Variants in CENPE observed in about 807,000 individuals in gnomAD.
CENPE encodes the protein centromere-associated protein E.
A neutral mutation model predicts 336.1 loss-of-function variants in CENPE; 145 were observed. That is an observed-to-expected ratio of 0.43 (90% confidence interval 0.38 to 0.50). The LOEUF (loss-of-function observed/expected upper bound fraction) is 0.50, where lower values mean the gene tolerates loss of function less well. Ranked by LOEUF, CENPE falls within the 20% of genes least tolerant of loss-of-function variation. The probability of loss-of-function intolerance (pLI) is 0.00; values close to 1 mark genes in which losing one functional copy is unlikely to be tolerated. For missense variants in CENPE, 2,719 were observed against 3,023.3 expected (o/e 0.90, Z 2.36); for synonymous variants, 1,013 against 984.8 (o/e 1.03, Z -0.54).
rs371002151 is a variant in CENPE at position 103,139,956 on chromosome 4, T to C, written c.6037A>G (p.Met2013Val). 6.2e-6 allele frequency: 10 copies of C among 1,613,312 alleles called. No individual in the cohort carries two copies. The highest frequency in any genetic ancestry group is 3.3e-5 in the Admixed American group (2 of 59,992). ...KKQFEAQNLS[M>V]QSVRMDNFQL... is the part of the protein sequence containing the mutation. ...AAGTTATCCATTCTCACACTTTGCATAGATAAGTTTTGGGCCTCAAATTGC... is the reference window on the plus strand; with the variant it reads ...AAGTTATCCATTCTCACACTTTGCACAGATAAGTTTTGGGCCTCAAATTGC... The change falls in exon 38 of 49, where the codon ATG (methionine) becomes GTG (valine). Residue 2013 changes from methionine to valine, a missense_variant. Physicochemically the swap from Met to Val is conservative, Grantham distance 21 (BLOSUM62 1). This residue lies in a region of CENPE where 2,437 missense variants were observed against 2,513.3 expected (regional missense o/e 0.97). Transcript: ENST00000265148.
At chr4:103,180,499 T>C (rs2126018488) in intron 12 of CENPE, 30 bp from the exon 13 acceptor site, 1 of 1,503,258 alleles carries the variant, frequency 6.7e-7, no homozygotes, top group East Asian at 2.3e-5. Context: ...ATTATGTTAA[T>C]AATAAATGTG....
intron 13 of CENPE, among the ~76,000 whole-genome samples, chr4:103,179,903 A>G (rs943533109): frequency 6.6e-6 from 1 of 152,136 alleles, no homozygotes; most frequent in Non-Finnish European, 1.5e-5. Context: ...TTTGTTCACT[A>G]TGTTGTTTTT....
intron 9 of CENPE, 80 bp from the exon 10 acceptor site, chr4:103,183,368 G>T: frequency 9.4e-7 from 1 of 1,064,838 alleles, no homozygotes; most frequent in Non-Finnish European, 1.4e-6. Flanking sequence ...AAGTTAATGA[G>T]AGAAATTAGA....
chr4:103,115,724 C>G (rs1429195997), intron 45 of CENPE, among the ~76,000 whole-genome samples: 1 of 150,264 alleles, frequency 6.7e-6, no homozygotes, highest in Non-Finnish European at 1.5e-5. Context: ...TAAGTGAGAA[C>G]ATATTTCTTT....
rs774765853 is a variant in CENPE, at chr4:103,108,839, G to C, written c.7975C>G (p.Arg2659Gly). 1.9e-6 allele frequency: 3 copies of C among 1,613,524 alleles called. No homozygotes were observed. Among genetic ancestry groups the C allele is most frequent in the Non-Finnish European group, 2.5e-6 (3 of 1,179,784 alleles). ...CCTAAACTTGAGTTATCAAAATAGC[G>C]AACTGGATGAGGTGATGGTAAAGAC... ...SKSLPSPHPV[R>G]YFDNSSLGLC... The change falls in exon 48 of 49, where the codon CGC becomes GGC. Residue 2659 changes from arginine (R) to glycine (G), a missense_variant. Coordinates refer to ENST00000265148, the MANE Select transcript of CENPE (RefSeq NM_001813.3).
rs933090015 is a variant in CENPE, at chr4:103,194,253, T to C, written c.669A>G (p.Glu223=). The change falls in exon 8 of 49, where the codon GAA becomes GAG. Residue 223 remains glutamate (E), a synonymous_variant. Coordinates refer to ENST00000265148, the MANE Select transcript of CENPE (RefSeq NM_001813.3). ...SREKGEPSNC[E]GSVKVSHLNL... ...CCAAATGGGATACCTTAACAGATCC[T>C]TCACAATTAGAAGGTTCACCCTTCT... The C allele has an allele frequency of 3.7e-6, 6 of 1,612,634 alleles. No homozygotes were observed. In the Middle Eastern group the frequency reaches 6.7e-4, roughly 180 times the overall value.
At chr4:103,186,141 T>C (rs1432070521) in intron 8 of CENPE, among the ~76,000 whole-genome samples, 6 of 152,210 alleles carry the variant, frequency 3.9e-5, no homozygotes, top group Non-Finnish European at 8.8e-5. Flanking sequence ...AAGCTGGCAC[T>C]TGCACTGCTC....
Position 103,108,804 on chromosome 4 carries a change from T to G in CENPE, c.8010A>C (p.Pro2670=). 1 of 1,612,462 alleles carries G rather than the reference T, an allele frequency of 6.2e-7. No homozygotes were observed. Among genetic ancestry groups the G allele is most frequent in the Non-Finnish European group, 8.5e-7 (1 of 1,179,208 alleles). ...CAAGTAACCAGTATATTTACTTACC[T>G]GGACAAAGGCCTAAACTTGAGTTAT... ...YFDNSSLGLC[P]EVQNAGAESV... is the part of the protein sequence containing the mutation. Residue 2670 remains proline, a splice_region_variant and synonymous_variant, in exon 48 of 49, where the codon CCA becomes CCC. Coordinates refer to ENST00000265148, the MANE Select transcript of CENPE (RefSeq NM_001813.3).
chr4:103,147,269 T>C, intron 29 of CENPE, 87 bp downstream of exon 29: 1 of 1,176,074 alleles, frequency 8.5e-7, no homozygotes, highest in South Asian at 1.5e-5. Flanking sequence ...AACATAATTA[T>C]AATACAAACA....
At chr4:103,155,181 T>C (rs1018382842) in intron 24 of CENPE, among the ~76,000 whole-genome samples, 3 of 152,248 alleles carry the variant, frequency 2.0e-5, no homozygotes, top group Non-Finnish European at 4.4e-5. Flanking sequence ...AGTATAACTC[T>C]ACTCTTCCCT....
At chr4:103,174,682 T>C in intron 16 of CENPE, 54 bp downstream of exon 16, 2 of 1,234,660 alleles carry the variant, frequency 1.6e-6, no homozygotes, top group Non-Finnish European at 2.2e-6. Context: ...AAAAAGAGAA[T>C]ACTTCTTTTA....
rs114954939 is a variant in CENPE at position 103,140,226 on chromosome 4, C to A, written c.5913+30G>T. Reference sequence around the variant, plus strand: ...CCACAAATAATTTTGGGCACAGTTACTTCCAAAAGAAGAACAAAACAACAC... The same window carrying A: ...CCACAAATAATTTTGGGCACAGTTAATTCCAAAAGAAGAACAAAACAACAC... On this transcript the variant is annotated intron_variant, in intron 37 of 48. Transcript: ENST00000265148. The A allele has an allele frequency of 3.8e-3, 5,904 of 1,565,020 alleles. 129 individuals carry two copies. In the African/African-American group the frequency reaches 0.059, roughly 16 times the overall value.
chr4:103,151,811 C>G (rs1004709075), intron 25 of CENPE, among the ~76,000 whole-genome samples: 4 of 152,150 alleles, frequency 2.6e-5, no homozygotes, highest in South Asian at 2.1e-4. Flanking sequence ...TTGGGCTGAT[C>G]CTGGTTATTA....
At chr4:103,138,475 A>G in intron 38 of CENPE, 26 bp from the exon 39 acceptor site, 1 of 1,503,122 alleles carries the variant, frequency 6.7e-7, no homozygotes, top group Non-Finnish European at 9.3e-7. Flanking sequence ...GAAAATAAAC[A>G]GGGCTTTTGT....
intron 42 of CENPE, among the ~76,000 whole-genome samples, chr4:103,128,087 C>A (rs1751282765): frequency 6.6e-6 from 1 of 151,944 alleles, no homozygotes; most frequent in Non-Finnish European, 1.5e-5. Context: ...GAAAGATACA[C>A]CATGTTAAAA....
intron 47 of CENPE, among the ~76,000 whole-genome samples, chr4:103,110,283 T>A (rs2711896): frequency 6.6e-6 from 1 of 152,042 alleles, no homozygotes; most frequent in Non-Finnish European, 1.5e-5. Context: ...ACGTTGGATC[T>A]CTCTCTTTCA....
intron 18 of CENPE, 47 bp from the exon 19 acceptor site, chr4:103,161,504 G>A: frequency 6.6e-7 from 1 of 1,511,416 alleles, no homozygotes; most frequent in Non-Finnish European, 8.8e-7. Flanking sequence ...TTTTCACAGA[G>A]TTGGAAAATT....
intron 48 of CENPE, among the ~76,000 whole-genome samples, chr4:103,106,770 A>G (rs928638808): frequency 3.9e-5 from 6 of 152,110 alleles, no homozygotes; most frequent in Non-Finnish European, 7.4e-5. Context: ...TACAATTATT[A>G]TATTTATAAA....
intron 42 of CENPE, among the ~76,000 whole-genome samples, chr4:103,126,673 T>C (rs1192100405): frequency 1.3e-5 from 2 of 152,120 alleles, no homozygotes; most frequent in Non-Finnish European, 2.9e-5. Context: ...CTAGGGGCCT[T>C]AGTGGAAAAA....
Sources: allele counts gnomAD v4.1 joint callset (sites outside exome capture counted in the v4.1 genomes callset), GRCh38; gene constraint gnomAD v4.1.1; regional missense constraint gnomAD v4.1.1; transcripts MANE v1.5; gene names NCBI Gene and HGNC (gene_info 2026-07-23, HGNC 2026-07-21).